Variants in LRRN2 observed in about 807,000 individuals in gnomAD.
LRRN2 encodes leucine-rich repeat neuronal protein 2.
A neutral mutation model predicts 35.7 loss-of-function variants in LRRN2; 10 were observed. The observed-to-expected ratio is 0.28, with a 90% CI of 0.17 to 0.47. The LOEUF is 0.47. Ranked by LOEUF, LRRN2 falls within the 20% of genes least tolerant of loss-of-function variation. The pLI, the probability that LRRN2 is intolerant of heterozygous loss-of-function variation, is 0.99. For synonymous variants in LRRN2, 391 were observed against 409.6 expected (o/e 0.95, Z 0.55); for missense variants, 731 against 940.3 (o/e 0.78, Z 2.91).
chr1:204,675,056 G>C (rs959994968), intron 1 of LRRN2, among the ~76,000 whole-genome samples: 2 of 152,182 alleles, frequency 1.3e-5, no homozygotes, highest in Admixed American at 6.5e-5. Context: ...TGCAGTCCCG[G>C]CTCATCCACT....
chr1:204,675,211 G>A (rs1274024922), intron 1 of LRRN2, among the ~76,000 whole-genome samples: 2 of 152,188 alleles, frequency 1.3e-5, no homozygotes, highest in African/African-American at 4.8e-5. Flanking sequence ...CCTCCGGGGT[G>A]GCTGGGAGGT....
chr1:204,618,940 G>A lies in LRRN2; in HGVS notation c.1053C>T (p.His351=). Residue 351 remains histidine, a synonymous_variant, in exon 2 of 2, where the codon CAC becomes CAT. Coordinates refer to ENST00000367177, the MANE Select transcript of LRRN2 (RefSeq NM_201630.2). Reference sequence around the variant, plus strand: ...TGGGCAGGGACTCCACCGTCTGCTGGTGCAAGGCACTGAGAGCGTTGTTGT... The same window carrying A: ...TGGGCAGGGACTCCACCGTCTGCTGATGCAAGGCACTGAGAGCGTTGTTGT... ...MLNNNALSAL[H]QQTVESLPNL... 6.2e-7 allele frequency: 1 copy of A among 1,614,130 alleles called. No homozygotes were observed.
Position 204,619,877 on chromosome 1 carries a change from G to A in LRRN2, c.116C>T (p.Pro39Leu). 1 of 1,613,876 alleles carries A rather than the reference G, an allele frequency of 6.2e-7. No homozygotes were observed. Among genetic ancestry groups the A allele is most frequent in the African/African-American group, 1.3e-5 (1 of 75,064 alleles). The change falls in exon 2 of 2, where the codon CCC becomes CTC. Residue 39 changes from proline to leucine, a missense_variant. Coordinates refer to ENST00000367177, the MANE Select transcript of LRRN2 (RefSeq NM_201630.2). ...GTAGGACGAGCGGGGCGTATACCAGGGCCGGATCTGGCAGGCACACTGAGG... is the reference window on the plus strand; with the variant it reads ...GTAGGACGAGCGGGGCGTATACCAGAGCCGGATCTGGCAGGCACACTGAGG... The part of the protein sequence containing the change: ...CPPQCACQIR[P>L]WYTPRSSYRE...
At chr1:204,666,988 C>G (rs1423396198) in intron 1 of LRRN2, among the ~76,000 whole-genome samples, 24 of 131,130 alleles carry the variant, frequency 1.8e-4, no homozygotes, top group Admixed American at 9.9e-4. Flanking sequence ...AAAAAAAAAG[C>G]CAACAGCAAA....
At chr1:204,655,622 T>C (rs542460465) in intron 1 of LRRN2, among the ~76,000 whole-genome samples, 4 of 146,322 alleles carry the variant, frequency 2.7e-5, no homozygotes, top group East Asian at 2.0e-4. Context: ...TTTTTTTTTT[T>C]CTCCTCCTTC....
chr1:204,649,759 T>G (rs1384045117), intron 1 of LRRN2, among the ~76,000 whole-genome samples: 1 of 152,160 alleles, frequency 6.6e-6, no homozygotes, highest in Non-Finnish European at 1.5e-5. Context: ...CTGATCCCCA[T>G]GACTGGCAGA....
chr1:204,643,762 C>T (rs1668036982), intron 1 of LRRN2, among the ~76,000 whole-genome samples: 1 of 152,030 alleles, frequency 6.6e-6, no homozygotes, highest in Non-Finnish European at 1.5e-5. Context: ...ATATAAATTC[C>T]TCCAGAAACC....
At chr1:204,653,629 G>C (rs1001341614) in intron 1 of LRRN2, among the ~76,000 whole-genome samples, 8 of 152,174 alleles carry the variant, frequency 5.3e-5, no homozygotes, top group African/African-American at 1.9e-4. Context: ...GGGAGGCAGA[G>C]GCAGGAGGAT....
chr1:204,649,244 C>T (rs1211311904), intron 1 of LRRN2, among the ~76,000 whole-genome samples: 2 of 152,208 alleles, frequency 1.3e-5, no homozygotes, highest in Non-Finnish European at 2.9e-5. Flanking sequence ...GGTTGGTTCT[C>T]GCCTAAGAGC....
rs1457030461 is a variant in LRRN2, at chr1:204,671,395, TTGTGTGTTTGTGTGTGTG to T, written c.-227+13907_-227+13924del. On this transcript the variant is annotated intron_variant, in intron 1 of 1. Coordinates refer to ENST00000367177, the MANE Select transcript of LRRN2 (RefSeq NM_201630.2). Reference sequence around the variant, plus strand: ...TGAGTTTGTAGAAGTAGCAATCTGTTTGTGTGTTTGTGTGTGTGTGTGTGTGTGTGTGTGTGTGTGTGT... The same window carrying T: ...TGAGTTTGTAGAAGTAGCAATCTGTTTGTGTGTGTGTGTGTGTGTGTGTGT... 1.6e-4 allele frequency among the ~76,000 whole-genome samples: 23 copies of T among 141,538 alleles called. No homozygotes were observed. In the East Asian group the frequency reaches 3.9e-3, roughly 24 times the overall value. 92.9% of individuals were successfully genotyped at this position (141,538 alleles called of 152,430 possible).
rs1346089625 is a variant in LRRN2 at position 204,638,380 on chromosome 1, A to G, written c.-226-18162T>C. Among the ~76,000 whole-genome samples the G allele has an allele frequency of 6.9e-5, 10 of 144,194 alleles. 1 individual carries two copies. The highest frequency in any genetic ancestry group is 1.4e-4 in the Non-Finnish European group (9 of 66,594). The allele number at this position is 144,194 out of a possible 152,430, so 94.6% of individuals were successfully genotyped here. On this transcript the variant is annotated intron_variant, in intron 1 of 1. Coordinates refer to ENST00000367177, the MANE Select transcript of LRRN2 (RefSeq NM_201630.2). The stretch of plus-strand genomic sequence containing the variant: ...AAGGAAACTGAGGCTTACAGATGTG[A>G]AGTAACTTGCCCAAGGTCTTCCTTT...
Position 204,618,268 on chromosome 1 carries a change from C to A in LRRN2, c.1725G>T (p.Leu575=), listed in dbSNP as rs1416512836. 1.2e-6 allele frequency: 2 copies of A among 1,608,696 alleles called. No individual in the cohort carries two copies. The highest frequency in any genetic ancestry group is 1.7e-5 in the Admixed American group (1 of 59,638). Residue 575 remains leucine, a synonymous_variant, in exon 2 of 2, where the codon CTG becomes CTT. Coordinates refer to ENST00000367177, the MANE Select transcript of LRRN2 (RefSeq NM_201630.2). ...RGQGATALAR[L]PRGTHSYNIT... ...TGTTGTAGCTGTGGGTTCCCCGAGGCAGGCGGGCCAGAGCTGTGGCCCCCT... is the reference window on the plus strand; with the variant it reads ...TGTTGTAGCTGTGGGTTCCCCGAGGAAGGCGGGCCAGAGCTGTGGCCCCCT...
chr1:204,648,496 G>A (rs1668156327), intron 1 of LRRN2, among the ~76,000 whole-genome samples: 1 of 152,130 alleles, frequency 6.6e-6, no homozygotes, highest in Non-Finnish European at 1.5e-5. Context: ...CTGAATTGAG[G>A]GATGGTATCC....
At chr1:204,645,754 CCTT>C (rs1168582742) in intron 1 of LRRN2, among the ~76,000 whole-genome samples, 1 of 152,100 alleles carries the variant, frequency 6.6e-6, no homozygotes, top group Non-Finnish European at 1.5e-5. Context: ...AAAGCAAGAA[CCTT>C]CTTCACAGGG....
At chr1:204,674,041 G>C (rs1571684267) in intron 1 of LRRN2, among the ~76,000 whole-genome samples, 1 of 152,124 alleles carries the variant, frequency 6.6e-6, no homozygotes, top group South Asian at 2.1e-4. Flanking sequence ...GAATGCGGCT[G>C]TCAGCCCCCC....
chr1:204,651,160 G>C (rs1668215252), intron 1 of LRRN2, among the ~76,000 whole-genome samples: 1 of 152,130 alleles, frequency 6.6e-6, no homozygotes, highest in Non-Finnish European at 1.5e-5. Context: ...GGACTGGAAG[G>C]CACCATCTAG....
intron 1 of LRRN2, among the ~76,000 whole-genome samples, chr1:204,630,564 T>A (rs7546057): frequency 0.38 from 57,658 of 150,560 alleles, 12,142 homozygotes; most frequent in Admixed American, 0.49. Context: ...CGCTGCCTGC[T>A]CCCTGTCAGC....
At chr1:204,653,861 C>CA (rs35513876) in intron 1 of LRRN2, among the ~76,000 whole-genome samples, 73,231 of 121,874 alleles carry the variant, frequency 0.6, 21,172 homozygotes, top group East Asian at 0.87. Context: ...GACCCCATCT[C>CA]AAAAAAAAAA....
chr1:204,670,960 C>T (rs935116993), intron 1 of LRRN2, among the ~76,000 whole-genome samples: 1 of 152,090 alleles, frequency 6.6e-6, no homozygotes, highest in African/African-American at 2.4e-5. Context: ...AGTCGGGCTT[C>T]AGGAAGGTTT....
Sources: gnomAD v4.1 joint callset for allele counts (sites outside exome capture counted in the v4.1 genomes callset) on GRCh38, gnomAD v4.1.1 for gene constraint, MANE v1.5 for transcripts, NCBI Gene and HGNC (gene_info 2026-07-23, HGNC 2026-07-21) for gene names.